The following CDK4 variants were observed in gnomAD, a reference collection of about 807,000 sequenced individuals.
The protein encoded by CDK4 is cyclin-dependent kinase 4.
CDK4 carries 13 observed loss-of-function variants against 36.7 expected under a neutral mutation model. The observed-to-expected ratio is 0.35, with a 90% CI of 0.23 to 0.56. The LOEUF (loss-of-function observed/expected upper bound fraction) is 0.56, where lower values mean the gene tolerates loss of function less well. Ranked by LOEUF, CDK4 falls within the 20% of genes least tolerant of loss-of-function variation. CDK4 has a pLI of 0.85. For missense variants in CDK4, 285 were observed against 387.3 expected, an observed-to-expected ratio of 0.74 and a Z score of 2.22; for synonymous variants, 158 against 146.4, an observed-to-expected ratio of 1.08 and a Z score of -0.57.
rs1322339253 is a variant in CDK4, at chr12:57,751,163, C to G, written c.354+44G>C. 1 of 1,614,202 alleles carries G rather than the reference C, an allele frequency of 6.2e-7. No individual in the cohort carries two copies. Among genetic ancestry groups the G allele is most frequent in the Non-Finnish European group, 8.5e-7 (1 of 1,180,030 alleles). On this transcript the variant is annotated intron_variant, in intron 3 of 7. Transcript: ENST00000257904. The surrounding 1 kb of genome is among the most constrained non-coding windows in gnomAD (Gnocchi z 4.5). ...CCTGAAATCCCAGAAGGTTCTACTA[C>G]AAAGGTCCCAATCCACCTCTCAATG... is the stretch of plus-strand genomic sequence containing the variant.
rs576389519 is a variant in CDK4, at chr12:57,749,544, A to G, written c.633-40T>C. 6.8e-5 allele frequency: 108 copies of G among 1,591,234 alleles called. 1 individual carries two copies. In the South Asian group the frequency reaches 1.1e-3, roughly 16 times the overall value. On this transcript the variant is annotated intron_variant, in intron 5 of 7. Transcript: ENST00000257904. ...GATATAAGGTAGCAGTCATTTTCAA[A>G]GATATCTTAGTTGAATGGTTACTGC...
chr12:57,751,383 C>G lies in CDK4; in HGVS notation c.219-41G>C, dbSNP rs1391373243. 6.2e-7 allele frequency: 1 copy of G among 1,613,882 alleles called. No individual in the cohort carries two copies. ...GCTCACTTTTCAATCCCCTTTAACCCAACATGGCCTCTCATTATTTCCTCA... is the reference window on the plus strand; with the variant it reads ...GCTCACTTTTCAATCCCCTTTAACCGAACATGGCCTCTCATTATTTCCTCA... On this transcript the variant is annotated intron_variant, in intron 2 of 7. Coordinates refer to ENST00000257904, the MANE Select transcript of CDK4 (RefSeq NM_000075.4). This position sits in a 1 kb window ranked among gnomAD's most constrained non-coding sequence, Gnocchi z 4.5.
chr12:57,751,708 A>T lies in CDK4; in HGVS notation c.10T>A (p.Ser4Thr), dbSNP rs2140388793. 6.2e-7 allele frequency: 1 copy of T among 1,614,104 alleles called. No individual in the cohort carries two copies. The highest frequency in any genetic ancestry group is 8.5e-7 in the Non-Finnish European group (1 of 1,180,004). Reference sequence around the variant, plus strand: ...ATTTCAGCCACTGGCTCATATCGAGAGGTAGCCATTCTCAGATCAAGGGAG... The same window carrying T: ...ATTTCAGCCACTGGCTCATATCGAGTGGTAGCCATTCTCAGATCAAGGGAG... Reference protein sequence around the residue: MATSRYEPVAEIGV... With the variant: MATTRYEPVAEIGV... The change falls in exon 2 of 8, where the codon TCT (serine) becomes ACT (threonine). Residue 4 changes from serine (S) to threonine (T), a missense_variant. By Grantham distance (58) the Ser-to-Thr change is moderately conservative. Coordinates refer to ENST00000257904, the MANE Select transcript of CDK4 (RefSeq NM_000075.4). The surrounding 1 kb of genome is among the most constrained non-coding windows in gnomAD (Gnocchi z 4.5).
intron 5 of CDK4, chr12:57,750,428 A>G (rs975523513): frequency 7.6e-6 from 4 of 528,660 alleles, no homozygotes; most frequent in Non-Finnish European, 1.4e-5. Context: ...CTAGCCAAGC[A>G]TGGAGGTGCG....
chr12:57,751,854 C>T lies in CDK4; in HGVS notation c.-19-118G>A, dbSNP rs142666578. 23 of 731,580 alleles carry T rather than the reference C, an allele frequency of 3.1e-5. No individual in the cohort carries two copies. The highest frequency in any genetic ancestry group is 8.0e-5 in the East Asian group (3 of 37,358). 45.3% of individuals were successfully genotyped at this position (731,580 alleles called of 1,614,324 possible). A position where few individuals can be genotyped will look rare whatever the true frequency, so the allele number is the denominator to read the frequency against. On this transcript the variant is annotated intron_variant, in intron 1 of 7. Transcript: ENST00000257904. This position sits in a 1 kb window ranked among gnomAD's most constrained non-coding sequence, Gnocchi z 4.5. ...AAAGAACACCACCAGCATCCCATCC[C>T]CCGCTCCCAGTCTTCCTTGGGGCCG...
At position 57,751,102 on chromosome 12, in the gene CDK4, G is replaced by A. The variant is rs1004281478; in HGVS notation, c.355-12C>T. The A allele has an allele frequency of 1.5e-5, 24 of 1,614,154 alleles. 1 individual carries two copies. Among genetic ancestry groups the A allele is most frequent in the East Asian group, 2.2e-5 (1 of 44,880 alleles). On this transcript the variant is annotated splice_polypyrimidine_tract_variant and intron_variant, in intron 3 of 7. Transcript: ENST00000257904. The surrounding 1 kb of genome is among the most constrained non-coding windows in gnomAD (Gnocchi z 4.5). ...TGGCGCATCAGATCCTAGTTTCAAA[G>A]GGGAGGTACAGATGCACTGGAAACT... is the stretch of plus-strand genomic sequence containing the variant.
intron 5 of CDK4, 125 bp from the exon 6 acceptor site, chr12:57,749,629 T>G (rs1955208335): frequency 3.2e-6 from 3 of 924,612 alleles, no homozygotes; most frequent in Non-Finnish European, 5.2e-6. Context: ...CACTTTGGGA[T>G]GCTGAGGTGA....
rs781077913 is a variant in CDK4 at position 57,748,626 on chromosome 12, A to G, written c.820-9T>C. 1 of 1,601,568 alleles carries G rather than the reference A, an allele frequency of 6.2e-7. No individual in the cohort carries two copies. The highest frequency in any genetic ancestry group is 1.1e-5 in the South Asian group (1 of 90,826). On this transcript the variant is annotated splice_polypyrimidine_tract_variant and intron_variant, in intron 7 of 7. Transcript: ENST00000257904. ...TTAAAAGTCAGCATTTCCTGAGGGG[A>G]GAGGCAAAGGTCAGAAAACCATGAA...
chr12:57,749,129 T>C, intron 7 of CDK4, 53 bp downstream of exon 7: 1 of 1,612,446 alleles, frequency 6.2e-7, no homozygotes, highest in African/African-American at 1.3e-5. Context: ...TACTGCTCTA[T>C]TTCTTTCCCC....
rs2140387861 is a variant in CDK4, at chr12:57,751,423, C to G, written c.218+77G>C. 4 of 1,611,376 alleles carry G rather than the reference C, an allele frequency of 2.5e-6. No individual in the cohort carries two copies. Among genetic ancestry groups the G allele is most frequent in the Non-Finnish European group, 3.4e-6 (4 of 1,177,832 alleles). On this transcript the variant is annotated intron_variant, in intron 2 of 7. Coordinates refer to ENST00000257904, the MANE Select transcript of CDK4 (RefSeq NM_000075.4). The surrounding 1 kb of genome is among the most constrained non-coding windows in gnomAD (Gnocchi z 4.5). Reference sequence around the variant, plus strand: ...TTATTTCCTCAGGGTCCCCACTTCTCTACAGATCATCACACCCCACCTATA... The same window carrying G: ...TTATTTCCTCAGGGTCCCCACTTCTGTACAGATCATCACACCCCACCTATA...
In CDK4 at chr12:57,751,455, C is replaced by CT; in HGVS notation, c.218+44dup. 6.2e-7 allele frequency: 1 copy of CT among 1,610,622 alleles called. No individual in the cohort carries two copies. Among genetic ancestry groups the CT allele is most frequent in the South Asian group, 1.1e-5 (1 of 90,956 alleles). ...TCATCACACCCCACCTATAGGCTGTCTTTTCCCTTTACTCCCCACGCCCAA... is the reference window on the plus strand; with the variant it reads ...TCATCACACCCCACCTATAGGCTGTCTTTTTCCCTTTACTCCCCACGCCCAA... On this transcript the variant is annotated intron_variant, in intron 2 of 7. Coordinates refer to ENST00000257904, the MANE Select transcript of CDK4 (RefSeq NM_000075.4). This position sits in a 1 kb window ranked among gnomAD's most constrained non-coding sequence, Gnocchi z 4.5.
In CDK4 at chr12:57,751,975, G is replaced by A; in HGVS notation, c.-20+200C>T. Reference sequence around the variant, plus strand: ...TTTTCCTTTGGGACAATCGCGCCCCGCACAAAGATCACACATGACACATGC... The same window carrying A: ...TTTTCCTTTGGGACAATCGCGCCCCACACAAAGATCACACATGACACATGC... On this transcript the variant is annotated intron_variant, in intron 1 of 7. Transcript: ENST00000257904. The surrounding 1 kb of genome is among the most constrained non-coding windows in gnomAD (Gnocchi z 4.5). The A allele has an allele frequency of 3.7e-6, 2 of 546,436 alleles. No individual in the cohort carries two copies. Among genetic ancestry groups the A allele is most frequent in the South Asian group, 2.0e-5 (1 of 49,504 alleles). 33.8% of individuals were successfully genotyped at this position (546,436 alleles called of 1,614,324 possible). A position where few individuals can be genotyped will look rare whatever the true frequency, so the allele number is the denominator to read the frequency against.
In CDK4 at chr12:57,751,210, G is replaced by T. The variant is rs1335815616; in HGVS notation, c.351C>A (p.Ile117=). 1.2e-6 allele frequency: 2 copies of T among 1,614,138 alleles called. No homozygotes were observed. The highest frequency in any genetic ancestry group is 2.2e-5 in the South Asian group (2 of 91,062). The change falls in exon 3 of 8, where the codon ATC becomes ATA. Residue 117 remains isoleucine (I), a synonymous_variant. Coordinates refer to ENST00000257904, the MANE Select transcript of CDK4 (RefSeq NM_000075.4). The surrounding 1 kb of genome is among the most constrained non-coding windows in gnomAD (Gnocchi z 4.5). ...APPPGLPAET[I]KDLMRQFLRG... ...AATGCCTACCAACCCCACTCACCTT[G>T]ATCGTTTCGGCTGGCAAGCCTGGTG...
chr12:57,750,590 T>C (rs1955224524), intron 5 of CDK4, 66 bp downstream of exon 5: 2 of 1,093,590 alleles, frequency 1.8e-6, no homozygotes, highest in South Asian at 1.2e-5. Context: ...GGGCAAGGTA[T>C]GGATGTGGTT....
At chr12:57,748,675 C>A (rs2140381515) in intron 7 of CDK4, 58 bp from the exon 8 acceptor site, 9 of 1,067,556 alleles carry the variant, frequency 8.4e-6, no homozygotes, top group Non-Finnish European at 1.3e-5. Flanking sequence ...TGCCCACCCA[C>A]AACAATACCT....
rs1193246679 is a variant in CDK4 at position 57,749,456 on chromosome 12, A to G, written c.681T>C (p.Phe227=). The change falls in exon 6 of 8, where the codon TTT becomes TTC. Residue 227 remains phenylalanine, a splice_region_variant and synonymous_variant. Transcript: ENST00000257904. ...NSEADQLGKI[F]DLIGLPPEDD... The stretch of plus-strand genomic sequence containing the variant: ...TTTCTCCCATGTTGGTCACTTACTC[A>G]AAGATTTTGCCCAACTGGTCGGCTT... 5.6e-6 allele frequency: 9 copies of G among 1,614,226 alleles called. No homozygotes were observed. The highest frequency in any genetic ancestry group is 7.6e-6 in the Non-Finnish European group (9 of 1,180,020).
At chr12:57,748,766 TATG>T in intron 7 of CDK4, 149 bp from the exon 8 acceptor site, 2 of 643,102 alleles carry the variant, frequency 3.1e-6, no homozygotes, top group Non-Finnish European at 5.6e-6. Flanking sequence ...AGTGCAATGG[TATG>T]ATCTCAGCTC....
At chr12:57,750,858 T>C (rs2140386103) in intron 4 of CDK4, 65 bp downstream of exon 4, 4 of 1,600,894 alleles carry the variant, frequency 2.5e-6, no homozygotes, top group South Asian at 2.2e-5. Context: ...GACTTCTCAA[T>C]TGCTACGGGC....
intron 4 of CDK4, 26 bp from the exon 5 acceptor site, chr12:57,750,791 G>A (rs1955227609): frequency 6.3e-7 from 1 of 1,599,012 alleles, no homozygotes; most frequent in Non-Finnish European, 8.6e-7. Flanking sequence ...AGAATGGATG[G>A]GGACCCCATG....
Sources: allele counts gnomAD v4.1 joint callset, GRCh38; gene constraint gnomAD v4.1.1; non-coding constraint Gnocchi (gnomAD v3.1); transcripts MANE v1.5; gene names NCBI Gene and HGNC (gene_info 2026-07-23, HGNC 2026-07-21).